The following SERPINA10 variants were observed in gnomAD, a reference collection of about 807,000 sequenced individuals.
SERPINA10 encodes protein Z-dependent protease inhibitor.
In SERPINA10, 24 loss-of-function variants were observed where a neutral mutation model predicts 28.0. That is an observed-to-expected ratio of 0.86 (90% CI 0.62 to 1.20). The LOEUF (loss-of-function observed/expected upper bound fraction) is 1.20, where lower values mean the gene tolerates loss of function less well. SERPINA10 is among the 50% of genes most tolerant of loss of function. The pLI is 0.00. For missense variants in SERPINA10, 521 were observed against 537.7 expected (o/e 0.97, Z 0.31); for synonymous variants, 207 against 203.9 (o/e 1.02, Z -0.13).
At chr14:94,292,539 CT>C (rs1895204371) in intron 1 of SERPINA10, 1 of 699,384 alleles carries the variant, frequency 1.4e-6, no homozygotes, top group Admixed American at 2.0e-5. Flanking sequence ...TTACTTCTCC[CT>C]GTACAATGGT....
intron 1 of SERPINA10, among the ~76,000 whole-genome samples, chr14:94,290,927 AAG>A (rs1895161302): frequency 6.6e-6 from 1 of 152,138 alleles, no homozygotes; most frequent in Admixed American, 6.5e-5. Flanking sequence ...GGGCCAGGGC[AAG>A]AGAGTCCACT....
rs1595562549 is a variant in SERPINA10 at position 94,283,703 on chromosome 14, T to G, written c.*262A>C. 1 of 514,494 alleles carries G rather than the reference T, an allele frequency of 1.9e-6. No homozygotes were observed. Among genetic ancestry groups the G allele is most frequent in the Middle Eastern group, 5.1e-4 (1 of 1,946 alleles). The allele number at this position is 514,494 out of a possible 1,614,324, so 31.9% of individuals were successfully genotyped here. On this transcript the variant is annotated 3_prime_UTR_variant, in exon 5 of 5. Transcript: ENST00000261994. The stretch of plus-strand genomic sequence containing the variant: ...CTCTTACTGTGCCTAATTTATAAAT[T>G]AAACTTTATCATAGGTATGTATGTG...
chr14:94,280,560 T>C lies in SERPINA10; in HGVS notation c.*3405A>G, dbSNP rs1240773820. Reference sequence around the variant, plus strand: ...TGACAGTTATGAATAACTACATGTATCTCCATTTATATCAAAAACAAGATG... The same window carrying C: ...TGACAGTTATGAATAACTACATGTACCTCCATTTATATCAAAAACAAGATG... On this transcript the variant is annotated 3_prime_UTR_variant, in exon 5 of 5. Transcript: ENST00000261994. 3 of 152,196 alleles carry C rather than the reference T, an allele frequency of 2.0e-5. No individual in the cohort carries two copies. The highest frequency in any genetic ancestry group is 6.5e-5 in the Admixed American group (1 of 15,280). 9.4% of individuals were successfully genotyped at this position (152,196 alleles called of 1,614,324 possible). A position where few individuals can be genotyped will look rare whatever the true frequency, so the allele number is the denominator to read the frequency against.
chr14:94,290,806 G>A (rs1309507234), intron 1 of SERPINA10, among the ~76,000 whole-genome samples, 163 bp from the exon 2 acceptor site: 2 of 152,216 alleles, frequency 1.3e-5, no homozygotes, highest in African/African-American at 4.8e-5. Context: ...CTCACCCAAA[G>A]AGGGGACATT....
intron 3 of SERPINA10, among the ~76,000 whole-genome samples, chr14:94,286,539 A>T (rs932441971): frequency 2.6e-5 from 4 of 152,250 alleles, no homozygotes; most frequent in Non-Finnish European, 5.9e-5. Context: ...TTTTAAAAAA[A>T]ACCTGAGTTA....
Position 94,281,806 on chromosome 14 carries a change from C to T in SERPINA10, c.*2159G>A, listed in dbSNP as rs1894907958. 1 of 152,132 alleles carries T rather than the reference C, an allele frequency of 6.6e-6. No homozygotes were observed. The highest frequency in any genetic ancestry group is 2.4e-5 in the African/African-American group (1 of 41,430). 9.4% of individuals were successfully genotyped at this position (152,132 alleles called of 1,614,324 possible). On this transcript the variant is annotated 3_prime_UTR_variant, in exon 5 of 5. Transcript: ENST00000261994. The stretch of plus-strand genomic sequence containing the variant: ...TTTTTATCTGCATGCTATATGAATC[C>T]TTCAATAATAATGTACCTTTTTATT...
In SERPINA10 at chr14:94,290,662, A is replaced by G. The variant is rs774918506; in HGVS notation, c.-50-19T>C. On this transcript the variant is annotated intron_variant, in intron 1 of 4. Coordinates refer to ENST00000261994, the MANE Select transcript of SERPINA10 (RefSeq NM_001100607.3). ...AGACTTCCTGTGGAGAGGAGAGGAT[A>G]GAGATGGTTTTAATGCCTCCTAAAA... The G allele has an allele frequency of 1.3e-6, 2 of 1,592,428 alleles. No individual in the cohort carries two copies. Among genetic ancestry groups the G allele is most frequent in the Non-Finnish European group, 1.7e-6 (2 of 1,172,694 alleles).
rs1457541983 is a variant in SERPINA10 at position 94,286,266 on chromosome 14, A to G, written c.993-8T>C. On this transcript the variant is annotated splice_polypyrimidine_tract_variant and splice_region_variant and intron_variant, in intron 3 of 4. Coordinates refer to ENST00000261994, the MANE Select transcript of SERPINA10 (RefSeq NM_001100607.3). ...AAGAAAACTTCCATGTTTCTGTGGT[A>G]CAAGAACAGATGATGGTGAAATGTA... The G allele has an allele frequency of 6.2e-7, 1 of 1,613,328 alleles. No individual in the cohort carries two copies. The highest frequency in any genetic ancestry group is 1.3e-5 in the African/African-American group (1 of 74,936).
chr14:94,286,597 C>T (rs1895031292), intron 3 of SERPINA10, among the ~76,000 whole-genome samples: 2 of 152,198 alleles, frequency 1.3e-5, no homozygotes, highest in Admixed American at 6.5e-5. Context: ...TGGCTGTTTT[C>T]AGCTCCTGGA....
intron 1 of SERPINA10, chr14:94,292,796 C>T: frequency 1.5e-6 from 1 of 653,754 alleles, no homozygotes; most frequent in South Asian, 1.6e-5. Flanking sequence ...GAGGACGCAC[C>T]TTCCTAGACA....
rs934217757 is a variant in SERPINA10 at position 94,281,966 on chromosome 14, A to T, written c.*1999T>A. On this transcript the variant is annotated 3_prime_UTR_variant, in exon 5 of 5. Coordinates refer to ENST00000261994, the MANE Select transcript of SERPINA10 (RefSeq NM_001100607.3). ...CTTTCTACTATTTTTCCACAAACAA[A>T]TCTGACTAATTGAACACAAACAAGG... The T allele has an allele frequency of 6.6e-6, 1 of 152,564 alleles. No homozygotes were observed. The highest frequency in any genetic ancestry group is 6.5e-5 in the Admixed American group (1 of 15,280). The allele number at this position is 152,564 out of a possible 1,614,324, so 9.5% of individuals were successfully genotyped here. A position where few individuals can be genotyped will look rare whatever the true frequency, so the allele number is the denominator to read the frequency against.
rs774815463 is a variant in SERPINA10 at position 94,286,109 on chromosome 14, C to G, written c.1142G>C (p.Arg381Thr). The change falls in exon 4 of 5, where the codon AGG becomes ACG. Residue 381 changes from arginine (R) to threonine (T), a missense_variant and splice_region_variant. Transcript: ENST00000261994. Reference protein sequence around the residue: ...SATGRNLQVSRVLQRTVIEVD... With the variant: ...SATGRNLQVSTVLQRTVIEVD... The stretch of plus-strand genomic sequence containing the variant: ...CTCTGATGAAAGATCCTGACTTACC[C>G]TGGATACTTGGAGATTTCTTCCAGT... The G allele has an allele frequency of 4.3e-6, 7 of 1,614,096 alleles. No individual in the cohort carries two copies. Among genetic ancestry groups the G allele is most frequent in the Middle Eastern group, 1.6e-4 (1 of 6,062 alleles).
rs1894880633 is a variant in SERPINA10, at chr14:94,280,856, C to T, written c.*3109G>A. 1 of 152,140 alleles carries T rather than the reference C, an allele frequency of 6.6e-6. No homozygotes were observed. The highest frequency in any genetic ancestry group is 1.5e-5 in the Non-Finnish European group (1 of 68,014). 9.4% of individuals were successfully genotyped at this position (152,140 alleles called of 1,614,324 possible). ...TACTTAATAGAGGTTAAATAAGGAG[C>T]ACATAAAGTTTTTCTTTATAACCTC... On this transcript the variant is annotated 3_prime_UTR_variant, in exon 5 of 5. Transcript: ENST00000261994.
intron 3 of SERPINA10, among the ~76,000 whole-genome samples, chr14:94,287,761 C>T (rs563538184): frequency 6.6e-6 from 1 of 152,280 alleles, no homozygotes; most frequent in South Asian, 2.1e-4. Flanking sequence ...TCAAACCCAC[C>T]AGGTACACTC....
intron 1 of SERPINA10, chr14:94,292,702 G>C (rs1179690666): frequency 1.4e-6 from 1 of 701,706 alleles, no homozygotes; most frequent in African/African-American, 1.8e-5. Context: ...TCTTTGTAAA[G>C]TCTTTGCTCA....
intron 2 of SERPINA10, among the ~76,000 whole-genome samples, chr14:94,289,527 G>A (rs149636519): frequency 6.6e-6 from 1 of 152,328 alleles, no homozygotes; most frequent in Non-Finnish European, 1.5e-5. Context: ...TAAGGGCAGA[G>A]AGTTGGTCAA....
In SERPINA10 at chr14:94,289,874, A is replaced by C; in HGVS notation, c.718+2T>G. On this transcript the variant is annotated splice_donor_variant, in intron 2 of 4. Coordinates refer to ENST00000261994, the MANE Select transcript of SERPINA10 (RefSeq NM_001100607.3). LOFTEE classifies it high-confidence loss of function. The stretch of plus-strand genomic sequence containing the variant: ...TGGGAGAGCAGAACATTATCAAAGT[A>C]CCTTTGAACAAGATGTAATCCACAA... 1 of 1,613,722 alleles carries C rather than the reference A, an allele frequency of 6.2e-7. No individual in the cohort carries two copies. Among genetic ancestry groups the C allele is most frequent in the Non-Finnish European group, 8.5e-7 (1 of 1,179,730 alleles).
intron 1 of SERPINA10, chr14:94,292,890 G>C: frequency 1.9e-6 from 1 of 531,564 alleles, no homozygotes; most frequent in East Asian, 2.9e-5. Flanking sequence ...CCTCAGCCCT[G>C]GGAAGGGGAG....
chr14:94,282,260 G>T lies in SERPINA10; in HGVS notation c.*1705C>A, dbSNP rs1008144214. On this transcript the variant is annotated 3_prime_UTR_variant, in exon 5 of 5. Transcript: ENST00000261994. ...CAACTAATCAATAAATGAATTTTAGGTTTTTTTAAACATTAGATAGCAGAC... is the reference window on the plus strand; with the variant it reads ...CAACTAATCAATAAATGAATTTTAGTTTTTTTTAAACATTAGATAGCAGAC... The T allele has an allele frequency of 2.6e-5, 4 of 151,756 alleles. No individual in the cohort carries two copies. 9.4% of individuals were successfully genotyped at this position (151,756 alleles called of 1,614,324 possible).
Sources: allele counts gnomAD v4.1 joint callset (sites outside exome capture counted in the v4.1 genomes callset), GRCh38; gene constraint gnomAD v4.1.1; transcripts MANE v1.5; gene names NCBI Gene and HGNC (gene_info 2026-07-23, HGNC 2026-07-21).